MIB1: variants seen among roughly 807,000 people sequenced by gnomAD.
MIB1 encodes the protein E3 ubiquitin-protein ligase MIB1.
In MIB1, 278 loss-of-function variants were observed where a neutral mutation model predicts 124.5. The ratio of observed to expected loss-of-function variants is 2.23; its 90% CI spans 2.02 to 2.47. The LOEUF is 2.47. Ranked by LOEUF, MIB1 falls within the 30% of genes most tolerant of loss-of-function variation. The pLI, the probability that MIB1 is intolerant of heterozygous loss-of-function variation, is 0.00. For missense variants in MIB1, 957 were observed against 1,254.4 expected, an observed-to-expected ratio of 0.76 and a Z score of 3.58; for synonymous variants, 446 against 429.4, an observed-to-expected ratio of 1.04 and a Z score of -0.48.
chr18:21,817,766 T>C (rs2041843235), intron 11 of MIB1: 2 of 389,744 alleles, frequency 5.1e-6, no homozygotes, highest in Non-Finnish European at 1.0e-5. Flanking sequence ...ACTTTCATAT[T>C]CCTGTAGCTT....
In MIB1 at chr18:21,838,410, G is replaced by T. The variant is rs1425039801; in HGVS notation, c.1875G>T (p.Val625=). 6.2e-7 allele frequency: 1 copy of T among 1,608,938 alleles called. No homozygotes were observed. Among genetic ancestry groups the T allele is most frequent in the Non-Finnish European group, 8.5e-7 (1 of 1,176,386 alleles). Residue 625 remains valine, a synonymous_variant, in exon 13 of 21, where the codon GTG becomes GTT. Transcript: ENST00000261537. ...LLSKLPRPWI[V]DEKKDDGYTA... is the part of the protein sequence containing the mutation. ...CTAAATTACCAAGACCATGGATTGT[G>T]GATGAGAAGAAAGATGATGGTTATA... is the stretch of plus-strand genomic sequence containing the variant.
In MIB1 at chr18:21,768,709, G is replaced by C; in HGVS notation, c.488G>C (p.Trp163Ser). ...GCCAGAGTGGTGCGAGGAGTGGACT[G>C]GCAGTGGGAAGATCAAGATGGAGGA... Reference protein sequence around the residue: ...AGARVVRGVDWQWEDQDGGNG... With the variant: ...AGARVVRGVDSQWEDQDGGNG... The change falls in exon 3 of 21, where the codon TGG (tryptophan) becomes TCG (serine). Residue 163 changes from tryptophan to serine, a missense_variant. By Grantham distance (177) the Trp-to-Ser change is radical. Transcript: ENST00000261537. The C allele has an allele frequency of 6.2e-7, 1 of 1,611,174 alleles. No individual in the cohort carries two copies.
intron 1 of MIB1, among the ~76,000 whole-genome samples, chr18:21,745,675 A>AACACACACACAC (rs144491531): frequency 0.016 from 2,252 of 144,712 alleles, 27 homozygotes; most frequent in East Asian, 0.044. Flanking sequence ...ATAGGTGTTA[A>AACACACACACAC]ACACACACAC....
intron 1 of MIB1, among the ~76,000 whole-genome samples, chr18:21,758,421 C>A (rs9955959): frequency 0.016 from 2,452 of 152,184 alleles, 62 homozygotes; most frequent in African/African-American, 0.052. Context: ...CTTTTTGTTA[C>A]ATTTGATTTG....
At chr18:21,797,167 A>G (rs2041592180) in intron 7 of MIB1, among the ~76,000 whole-genome samples, 1 of 152,178 alleles carries the variant, frequency 6.6e-6, no homozygotes, top group South Asian at 2.1e-4. Context: ...TTATCAAAAA[A>G]AGAGTTCTTA....
intron 10 of MIB1, among the ~76,000 whole-genome samples, chr18:21,810,243 G>C (rs2041756000): frequency 1.3e-5 from 2 of 152,008 alleles, no homozygotes; most frequent in Non-Finnish European, 2.9e-5. Context: ...AGAAATTAAA[G>C]AAGACAGATA....
Position 21,768,747 on chromosome 18 carries a change from G to T in MIB1, c.526G>T (p.Gly176Ter). 6.2e-7 allele frequency: 1 copy of T among 1,609,936 alleles called. No individual in the cohort carries two copies. Among genetic ancestry groups the T allele is most frequent in the Non-Finnish European group, 8.5e-7 (1 of 1,177,836 alleles). The change falls in exon 3 of 21, where the codon GGA becomes TGA. Residue 176 changes from glycine (G) to a stop codon, truncating the protein, a stop_gained. Transcript: ENST00000261537. LOFTEE classifies it high-confidence loss of function. ...TCAAGATGGAGGAAATGGACGTAGG[G>T]GAAAGGTACAGTGTTTCTCTGAATT... ...EDQDGGNGRR[G>*]KVTEIQDWSA...
At position 21,864,522 on chromosome 18, in the gene MIB1, A is replaced by G; in HGVS notation, c.2881-4A>G. ...ATTTATTACTTTGTTATCTCACATTACAGACAATGTGCCCTGTGTGTCTAG... is the reference window on the plus strand; with the variant it reads ...ATTTATTACTTTGTTATCTCACATTGCAGACAATGTGCCCTGTGTGTCTAG... On this transcript the variant is annotated splice_polypyrimidine_tract_variant and splice_region_variant and intron_variant, in intron 20 of 20. Transcript: ENST00000261537. 1 of 1,606,366 alleles carries G rather than the reference A, an allele frequency of 6.2e-7. No individual in the cohort carries two copies. Among genetic ancestry groups the G allele is most frequent in the Non-Finnish European group, 8.5e-7 (1 of 1,173,986 alleles).
rs1249229852 is a variant in MIB1 at position 21,725,082 on chromosome 18, G to A, written n.167+19959G>A. 1.6e-4 allele frequency among the ~76,000 whole-genome samples: 20 copies of A among 129,006 alleles called. No individual in the cohort carries two copies. In the East Asian group the frequency reaches 2.1e-3, roughly 13 times the overall value. The allele number at this position is 129,006 out of a possible 152,430, so 84.6% of individuals were successfully genotyped here. On this transcript the variant is annotated intron_variant and non_coding_transcript_variant, in intron 1 of 20. Transcript: ENST00000578646. The stretch of plus-strand genomic sequence containing the variant: ...TGCACTCCAGCCTGGGTGACAGAGC[G>A]AGACTCTGTCTCAAAAAAAAAAAAA...
chr18:21,850,766 G>A (rs1395691906), intron 17 of MIB1, among the ~76,000 whole-genome samples: 3 of 152,136 alleles, frequency 2.0e-5, no homozygotes, highest in Non-Finnish European at 4.4e-5. Flanking sequence ...AATTAATGTG[G>A]ATCATTCTAC....
chr18:21,804,319 G>T (rs1023368967), intron 10 of MIB1, among the ~76,000 whole-genome samples: 22 of 152,180 alleles, frequency 1.4e-4, no homozygotes, highest in African/African-American at 5.1e-4. Flanking sequence ...GGAAATTGAA[G>T]GACGAGGAAT....
intron 6 of MIB1, among the ~76,000 whole-genome samples, chr18:21,785,380 C>A (rs978840095): frequency 6.6e-6 from 1 of 152,000 alleles, no homozygotes; most frequent in Non-Finnish European, 1.5e-5. Flanking sequence ...TCTCCGCCCA[C>A]GAAGAAAAAA....
Position 21,869,085 on chromosome 18 carries a change from G to A in MIB1, c.*4419G>A, listed in dbSNP as rs937032113. On this transcript the variant is annotated 3_prime_UTR_variant, in exon 21 of 21. Coordinates refer to ENST00000261537, the MANE Select transcript of MIB1 (RefSeq NM_020774.4). ...AAAATTGACATTTTTGTTTCATTGA[G>A]AATTTAAGCAGTAGGTACAGGAGAA... 10 of 152,446 alleles carry A rather than the reference G, an allele frequency of 6.6e-5. No individual in the cohort carries two copies. Among genetic ancestry groups the A allele is most frequent in the Non-Finnish European group, 1.2e-4 (8 of 67,908 alleles). The allele number at this position is 152,446 out of a possible 1,614,324, so 9.4% of individuals were successfully genotyped here.
intron 13 of MIB1, among the ~76,000 whole-genome samples, chr18:21,841,989 G>A (rs1182837281): frequency 1.3e-5 from 2 of 150,772 alleles, no homozygotes; most frequent in Non-Finnish European, 3.0e-5. Flanking sequence ...GCTGACACTC[G>A]GAAGGCTAAG....
chr18:21,767,111 C>T (rs888693527), intron 2 of MIB1, among the ~76,000 whole-genome samples: 2 of 152,038 alleles, frequency 1.3e-5, no homozygotes, highest in African/African-American at 2.4e-5. Context: ...AAAATCCAGA[C>T]CACAGATGTA....
At chr18:21,723,959 C>G (rs146258023) in intron 1 of MIB1, among the ~76,000 whole-genome samples, 13,628 of 152,118 alleles carry the variant, frequency 0.09, 687 homozygotes, top group Middle Eastern at 0.14. Context: ...CTGCCTTGGC[C>G]TCCCAAAGTG....
At chr18:21,717,359 C>CA (rs2040694056) in intron 1 of MIB1, among the ~76,000 whole-genome samples, 1 of 152,120 alleles carries the variant, frequency 6.6e-6, no homozygotes. Flanking sequence ...ACCAAGAACC[C>CA]AAAAGCAAAC....
chr18:21,737,058 A>G (rs1431855242), upstream of MIB1, among the ~76,000 whole-genome samples: 3 of 152,190 alleles, frequency 2.0e-5, no homozygotes, highest in Non-Finnish European at 2.9e-5. Context: ...CCTAAGACAC[A>G]TAATCATCAG....
At chr18:21,728,140 C>T (rs2040751310) in intron 1 of MIB1, among the ~76,000 whole-genome samples, 1 of 152,216 alleles carries the variant, frequency 6.6e-6, no homozygotes, top group African/African-American at 2.4e-5. Context: ...CAACCGCTTC[C>T]CTGCCCTTGG....
Sources: allele counts gnomAD v4.1 joint callset (sites outside exome capture counted in the v4.1 genomes callset), GRCh38; gene constraint gnomAD v4.1.1; transcripts MANE v1.5; gene names NCBI Gene and HGNC (gene_info 2026-07-23, HGNC 2026-07-21).